Variants in INSR observed in about 807,000 individuals in gnomAD.
The protein encoded by INSR is IR.
INSR carries 67 observed loss-of-function variants against 142.6 expected under a neutral mutation model. The observed-to-expected ratio is 0.47, with a 90% CI of 0.39 to 0.58. The LOEUF (loss-of-function observed/expected upper bound fraction) is 0.58. Ranked by LOEUF, INSR falls within the 20% of genes least tolerant of loss-of-function variation. INSR has a pLI of 0.00. For synonymous variants in INSR, 756 were observed against 743.1 expected, an observed-to-expected ratio of 1.02 and a Z score of -0.28; for missense variants, 1,248 against 1,833.2, an observed-to-expected ratio of 0.68 and a Z score of 5.83.
rs1294314902 is a variant in INSR, at chr19:7,152,763, A to T, written c.2194T>A (p.Phe732Ile). 1 of 1,612,878 alleles carries T rather than the reference A, an allele frequency of 6.2e-7. No homozygotes were observed. Among genetic ancestry groups the T allele is most frequent in the Admixed American group, 1.7e-5 (1 of 59,936 alleles). ...ACCACGTTGTGCAGGTAATCCTCAA[A>T]CGTCTTCCTAAACGAGGACTCCTCC... ...ELEESSFRKTFEDYLHNVVFV... is the reference protein window; with the variant it reads ...ELEESSFRKTIEDYLHNVVFV... The change falls in exon 10 of 22, where the codon TTT becomes ATT. Residue 732 changes from phenylalanine to isoleucine, a missense_variant. Coordinates refer to ENST00000302850, the MANE Select transcript of INSR (RefSeq NM_000208.4).
chr19:7,254,900 A>G (rs920136932), intron 2 of INSR, among the ~76,000 whole-genome samples: 7 of 152,188 alleles, frequency 4.6e-5, no homozygotes, highest in African/African-American at 1.7e-4. Context: ...GTTAGCAGAC[A>G]GCCAAAGGGA....
At chr19:7,293,665 G>T (rs565479009) in intron 1 of INSR, 127 bp downstream of exon 1, 7 of 773,788 alleles carry the variant, frequency 9.0e-6, no homozygotes, top group Non-Finnish European at 1.2e-5. Flanking sequence ...AGGAGCTACC[G>T]TCCTGGCCAC....
In INSR at chr19:7,267,691, C is replaced by G. The variant is rs140954144; in HGVS notation, c.306G>C (p.Leu102=). The G allele has an allele frequency of 6.2e-7, 1 of 1,614,088 alleles. No individual in the cohort carries two copies. Among genetic ancestry groups the G allele is most frequent in the Non-Finnish European group, 8.5e-7 (1 of 1,180,004 alleles). ...RVYGLESLKD[L]FPNLTVIRGS... The stretch of plus-strand genomic sequence containing the variant: ...CCCGGATGACCGTGAGGTTGGGGAA[C>G]AGGTCCTTCAGGCTCTCGAGCCCAT... The change falls in exon 2 of 22, where the codon CTG becomes CTC. Residue 102 remains leucine, a synonymous_variant. Coordinates refer to ENST00000302850, the MANE Select transcript of INSR (RefSeq NM_000208.4). This position sits in a 1 kb window ranked among gnomAD's most constrained non-coding sequence, Gnocchi z 6.3.
At chr19:7,288,513 C>T (rs1166777846) in intron 1 of INSR, among the ~76,000 whole-genome samples, 1 of 152,024 alleles carries the variant, frequency 6.6e-6, no homozygotes, top group Non-Finnish European at 1.5e-5. Flanking sequence ...GTGGCACCTG[C>T]CTGTGATTCC....
At chr19:7,144,858 C>T (rs981229021) in intron 11 of INSR, among the ~76,000 whole-genome samples, 3 of 152,058 alleles carry the variant, frequency 2.0e-5, no homozygotes, top group Admixed American at 2.0e-4. Context: ...AAATGGTTGT[C>T]CAGAAACTCT....
intron 2 of INSR, among the ~76,000 whole-genome samples, chr19:7,208,592 G>C (rs75328042): frequency 6.6e-6 from 1 of 152,164 alleles, no homozygotes; most frequent in East Asian, 1.9e-4. Flanking sequence ...AGCTGTGGCC[G>C]GGCGCAGTGG....
chr19:7,276,957 G>A (rs1054945612), intron 1 of INSR, among the ~76,000 whole-genome samples: 3 of 151,962 alleles, frequency 2.0e-5, no homozygotes, highest in Non-Finnish European at 2.9e-5. Context: ...TCTCAAACTC[G>A]TGACCTCAGG....
At chr19:7,269,030 C>CACA (rs1555690124) in intron 1 of INSR, among the ~76,000 whole-genome samples, 2 of 120,902 alleles carry the variant, frequency 1.7e-5, no homozygotes, top group East Asian at 6.9e-4. Context: ...GCCAACACAC[C>CACA]CACACACCCA....
chr19:7,205,073 A>C (rs1186478525), intron 2 of INSR, among the ~76,000 whole-genome samples: 1 of 152,184 alleles, frequency 6.6e-6, no homozygotes, highest in Non-Finnish European at 1.5e-5. Flanking sequence ...AACAAAAGTG[A>C]AACTTCATCT....
Position 7,267,459 on chromosome 19 carries a change from C to T in INSR, c.538G>A (p.Glu180Lys), listed in dbSNP as rs1240458376. ...CCCGGACAGATGTCTCCACACTCCT[C>T]GTTGTCATCTTTGTTCAACACGATG... ...NYIVLNKDDN[E>K]ECGDICPGTA... The change falls in exon 2 of 22, where the codon GAG becomes AAG. Residue 180 changes from glutamate (E) to lysine (K), a missense_variant. By Grantham distance (56) the Glu-to-Lys change is moderately conservative. This residue lies in a region of INSR where 1,069 missense variants were observed against 1,654.0 expected (regional missense o/e 0.65). Coordinates refer to ENST00000302850, the MANE Select transcript of INSR (RefSeq NM_000208.4). The surrounding 1 kb of genome is among the most constrained non-coding windows in gnomAD (Gnocchi z 6.3). 4.3e-6 allele frequency: 7 copies of T among 1,614,082 alleles called. No individual in the cohort carries two copies. The highest frequency in any genetic ancestry group is 5.9e-6 in the Non-Finnish European group (7 of 1,180,034).
intron 11 of INSR, among the ~76,000 whole-genome samples, chr19:7,147,831 G>A (rs371517747): frequency 1.1e-4 from 17 of 152,230 alleles, no homozygotes; most frequent in South Asian, 1.0e-3. Flanking sequence ...GATGTAAAAT[G>A]GGCTCATCAA....
intron 2 of INSR, among the ~76,000 whole-genome samples, chr19:7,226,338 A>C (rs1975779062): frequency 7.1e-6 from 1 of 139,874 alleles, no homozygotes; most frequent in African/African-American, 2.6e-5. Flanking sequence ...TGAACCTAGG[A>C]GGTGGAGGTT....
chr19:7,254,239 G>A (rs1366822203), intron 2 of INSR, among the ~76,000 whole-genome samples: 1 of 152,016 alleles, frequency 6.6e-6, no homozygotes, highest in Non-Finnish European at 1.5e-5. Context: ...AATTAGCCAG[G>A]GATGGTGGTG....
rs1972277916 is a variant in INSR, at chr19:7,114,577, TC to T, written c.*2478del. 6.6e-6 allele frequency: 1 copy of T among 152,620 alleles called. No individual in the cohort carries two copies. The highest frequency in any genetic ancestry group is 2.4e-5 in the African/African-American group (1 of 41,452). 9.5% of individuals were successfully genotyped at this position (152,620 alleles called of 1,614,324 possible). ...CATTCGAATCAGCTGATACACACGT[TC>T]CCTGATTCAGACCGGTTCCAGGTAG... On this transcript the variant is annotated 3_prime_UTR_variant, in exon 22 of 22. Transcript: ENST00000302850.
chr19:7,268,053 G>C (rs1352045063), intron 1 of INSR, among the ~76,000 whole-genome samples, 157 bp from the exon 2 acceptor site: 2 of 152,124 alleles, frequency 1.3e-5, no homozygotes, highest in Non-Finnish European at 2.9e-5. Flanking sequence ...GGGATGAGTA[G>C]CTTTCTCTGT....
Position 7,172,377 on chromosome 19 carries a change from T to G in INSR, c.1181A>C (p.Tyr394Ser). Residue 394 changes from tyrosine (Y) to serine (S), a missense_variant, in exon 5 of 22, where the codon TAT becomes TCT. By Grantham distance (144) the Tyr-to-Ser change is moderately radical. This residue lies in a region of INSR where 1,069 missense variants were observed against 1,654.0 expected (regional missense o/e 0.65). Coordinates refer to ENST00000302850, the MANE Select transcript of INSR (RefSeq NM_000208.4). ...NLGLIEEISGYLKIRRSYALV... is the reference protein window; with the variant it reads ...NLGLIEEISGSLKIRRSYALV... The stretch of plus-strand genomic sequence containing the variant: ...AGCGTAGGATCGGCGGATTTTTAGA[T>G]ACCCTGAAATTTCTTCAATGAGGCC... The G allele has an allele frequency of 1.2e-6, 2 of 1,614,090 alleles. No homozygotes were observed. Among genetic ancestry groups the G allele is most frequent in the South Asian group, 2.2e-5 (2 of 91,076 alleles).
At chr19:7,263,558 T>C (rs554403580) in intron 2 of INSR, among the ~76,000 whole-genome samples, 58 of 152,286 alleles carry the variant, frequency 3.8e-4, no homozygotes, top group African/African-American at 1.2e-3. Flanking sequence ...GTTCTTTTTA[T>C]TGTTTTGTTT....
chr19:7,214,497 C>T (rs1975371639), intron 2 of INSR, among the ~76,000 whole-genome samples: 1 of 152,192 alleles, frequency 6.6e-6, no homozygotes, highest in Non-Finnish European at 1.5e-5. Context: ...GGTCCTCATT[C>T]TTCTCTACCC....
chr19:7,153,019 ACACACACCACACACACACACACCACACAC>A lies in INSR; in HGVS notation c.2030-121_2030-93del, dbSNP rs1973425639. On this transcript the variant is annotated intron_variant, in intron 9 of 21. Transcript: ENST00000302850. Reference sequence around the variant, plus strand: ...CACCCCACACACACACACACCACACACACACACCACACACACACACACCACACACCCCCCCACACACACACACCACACAC... The same window carrying A: ...CACCCCACACACACACACACCACACACCCCCCACACACACACACCACACAC... The A allele has an allele frequency of 6.2e-6, 3 of 481,772 alleles. No individual in the cohort carries two copies. The Admixed American group carries it at 1.2e-4, about 20-fold the overall frequency. 29.8% of individuals were successfully genotyped at this position (481,772 alleles called of 1,614,324 possible).
Sources: allele counts gnomAD v4.1 joint callset (sites outside exome capture counted in the v4.1 genomes callset), GRCh38; gene constraint gnomAD v4.1.1; regional missense constraint gnomAD v4.1.1; non-coding constraint Gnocchi (gnomAD v3.1); transcripts MANE v1.5; gene names NCBI Gene and HGNC (gene_info 2026-07-23, HGNC 2026-07-21).